Variants in OR51B5 observed in about 807,000 individuals in gnomAD.
The protein encoded by OR51B5 is olfactory receptor family 51 subfamily B member 5, also known as olfactory receptor 51B5.
For missense variants in OR51B5, 456 were observed against 374.6 expected, an observed-to-expected ratio of 1.22 and a Z score of -1.79; for synonymous variants, 186 against 144.8, an observed-to-expected ratio of 1.28 and a Z score of -2.04.
chr11:5,415,189 G>A (rs1190263369), intron 1 of OR51B5, among the ~76,000 whole-genome samples: 3 of 151,924 alleles, frequency 2.0e-5, no homozygotes, highest in Non-Finnish European at 2.9e-5. Context: ...GGTACAAAAC[G>A]AAATGAAGGC....
intron 1 of OR51B5, chr11:5,389,491 A>T: frequency 6.2e-7 from 1 of 1,613,962 alleles, no homozygotes; most frequent in Middle Eastern, 1.6e-4. Context: ...GCTTTCCTGG[A>T]TTGGAAGGCA....
intron 1 of OR51B5, among the ~76,000 whole-genome samples, chr11:5,420,345 C>T (rs535718245): frequency 1.3e-5 from 2 of 151,936 alleles, no homozygotes; most frequent in Non-Finnish European, 2.9e-5. Flanking sequence ...TTTAAAACAC[C>T]AATTATACGA....
chr11:5,352,393 C>T (rs1333016194), intron 1 of OR51B5: 1 of 1,612,602 alleles, frequency 6.2e-7, no homozygotes, highest in South Asian at 1.1e-5. Context: ...TAAAACTAAG[C>T]AGATTCAGAG....
At chr11:5,455,582 A>AGAAAGAGAGAG in intron 1 of OR51B5, 2 of 150,314 alleles carry the variant, frequency 1.3e-5, no homozygotes, top group Non-Finnish European at 3.0e-5. Context: ...AGAGAGAAAG[A>AGAAAGAGAGAG]GAAAGAGAGA....
At chr11:5,365,572 C>G (rs1849351619) in intron 1 of OR51B5, among the ~76,000 whole-genome samples, 1 of 152,158 alleles carries the variant, frequency 6.6e-6, no homozygotes. Flanking sequence ...TACACAAAAA[C>G]ATTATCGAGA....
At chr11:5,462,529 G>C (rs1236421970) in intron 1 of OR51B5, among the ~76,000 whole-genome samples, 3 of 152,224 alleles carry the variant, frequency 2.0e-5, no homozygotes, top group Non-Finnish European at 4.4e-5. Context: ...GAACTTCTTT[G>C]CTCTTGTGGT....
rs376283475 is a variant in OR51B5 at position 5,440,887 on chromosome 11, C to T, written n.84+64682G>A. On this transcript the variant is annotated intron_variant and non_coding_transcript_variant, in intron 1 of 4. Coordinates refer to the OR51B5 transcript ENST00000415970. ...AGCAGGATGAAAGTTGAGTCCATAC[C>T]ATAGGTAAAAATGATCACCAAGAGC... is the stretch of plus-strand genomic sequence containing the variant. 9.9e-6 allele frequency: 16 copies of T among 1,613,526 alleles called. No individual in the cohort carries two copies. Among genetic ancestry groups the T allele is most frequent in the Non-Finnish European group, 1.4e-5 (16 of 1,179,860 alleles).
chr11:5,482,603 C>T (rs1291449560), intron 1 of OR51B5, among the ~76,000 whole-genome samples: 1 of 120,694 alleles, frequency 8.3e-6, no homozygotes, highest in Non-Finnish European at 1.7e-5. Context: ...TCACAACCTA[C>T]TCATCTGACA....
chr11:5,349,293 G>A (rs1406500637), intron 1 of OR51B5, among the ~76,000 whole-genome samples: 1 of 152,082 alleles, frequency 6.6e-6, no homozygotes, highest in Non-Finnish European at 1.5e-5. Context: ...AAAAAATGAG[G>A]TGTATATAAT....
intron 1 of OR51B5, chr11:5,403,400 T>A (rs1564801895): frequency 2.1e-6 from 1 of 471,374 alleles, no homozygotes; most frequent in Non-Finnish European, 4.4e-6. Context: ...GCCTTGGACA[T>A]CGTGTGTCCC....
In OR51B5 at chr11:5,455,573, GAGAGAAAGAGAA is replaced by G. The variant is rs1288291898; in HGVS notation, n.84+49984_84+49995del. 5 of 148,596 alleles carry G rather than the reference GAGAGAAAGAGAA, an allele frequency of 3.4e-5. No homozygotes were observed. The South Asian group carries it at 6.3e-4, about 19-fold the overall frequency. The allele number at this position is 148,596 out of a possible 1,614,324, so 9.2% of individuals were successfully genotyped here. A position where few individuals can be genotyped will look rare whatever the true frequency, so the allele number is the denominator to read the frequency against. ...GGGGAGAAAGAAGGGGGGAGAGAGA[GAGAGAAAGAGAA>G]AGAGAGAAAGAGAAAAAGAGAAAGA... On this transcript the variant is annotated intron_variant and non_coding_transcript_variant, in intron 1 of 4. Coordinates refer to the OR51B5 transcript ENST00000415970.
In OR51B5 at chr11:5,358,070, C is replaced by T. The variant is rs1010836969; in HGVS notation, n.85-11160G>A. Among the ~76,000 whole-genome samples, 589 of 151,654 alleles carry T rather than the reference C, an allele frequency of 3.9e-3. 2 individuals are homozygous for T. The highest frequency in any genetic ancestry group is 0.01 in the Middle Eastern group (3 of 294). Reference sequence around the variant, plus strand: ...ATCTAAAATTGACACCCTAACATCACAATTAAAAGAACTAGAGAAGCAAGA... The same window carrying T: ...ATCTAAAATTGACACCCTAACATCATAATTAAAAGAACTAGAGAAGCAAGA... On this transcript the variant is annotated intron_variant and non_coding_transcript_variant, in intron 1 of 4. Coordinates refer to the OR51B5 transcript ENST00000415970.
intron 1 of OR51B5, among the ~76,000 whole-genome samples, chr11:5,411,875 A>C (rs1309980983): frequency 2.6e-5 from 4 of 152,204 alleles, no homozygotes; most frequent in Admixed American, 1.3e-4. Flanking sequence ...AAATCCAGGA[A>C]TGTGGTTGGC....
chr11:5,505,250 G>A, intron 1 of OR51B5: 1 of 1,197,564 alleles, frequency 8.4e-7, no homozygotes, highest in Non-Finnish European at 1.1e-6. Flanking sequence ...TTGCTATTAG[G>A]TTTTTTGTTT....
At chr11:5,486,417 G>GC (rs35927312) in intron 1 of OR51B5, among the ~76,000 whole-genome samples, 146,051 of 152,084 alleles carry the variant, frequency 0.96, 70,163 homozygotes, top group Non-Finnish European at 0.97. Flanking sequence ...CATGGTATGT[G>GC]CCGCTAAATA....
chr11:5,395,688 G>GGC (rs1849858845), intron 1 of OR51B5, among the ~76,000 whole-genome samples: 1 of 152,114 alleles, frequency 6.6e-6, no homozygotes, highest in Non-Finnish European at 1.5e-5. Context: ...CTCGAAAAGA[G>GGC]GCAGGGCCCA....
chr11:5,485,081 A>G (rs746110683), intron 1 of OR51B5, among the ~76,000 whole-genome samples: 5 of 152,156 alleles, frequency 3.3e-5, no homozygotes, highest in Non-Finnish European at 4.4e-5. Flanking sequence ...TATGATTTCA[A>G]AAGAATAAGT....
At chr11:5,420,498 A>G (rs1170038198) in intron 1 of OR51B5, among the ~76,000 whole-genome samples, 3 of 151,842 alleles carry the variant, frequency 2.0e-5, no homozygotes, top group African/African-American at 7.2e-5. Flanking sequence ...GATATATTTA[A>G]TTTTTGATAT....
chr11:5,444,294 G>A (rs1404702706), intron 1 of OR51B5, among the ~76,000 whole-genome samples: 1 of 152,054 alleles, frequency 6.6e-6, no homozygotes, highest in Non-Finnish European at 1.5e-5. Context: ...ACAAAAGTCA[G>A]GTATCAAAGG....
Sources: allele counts gnomAD v4.1 joint callset (sites outside exome capture counted in the v4.1 genomes callset), GRCh38; gene constraint gnomAD v4.1.1; transcripts MANE v1.5; gene names NCBI Gene and HGNC (gene_info 2026-07-23, HGNC 2026-07-21).